CSMD3: variants seen among roughly 807,000 people sequenced by gnomAD.
CSMD3 encodes CUB and Sushi multiple domains 3.
In CSMD3, 177 loss-of-function variants were observed where a neutral mutation model predicts 435.2. The observed-to-expected ratio is 0.41, with a 90% CI of 0.36 to 0.46. The LOEUF (loss-of-function observed/expected upper bound fraction) is 0.46. CSMD3 is among the 20% of genes least tolerant of loss of function. The pLI is 0.34. For missense variants in CSMD3, 4,265 were observed against 4,504.6 expected, an observed-to-expected ratio of 0.95 and a Z score of 1.52; for synonymous variants, 1,656 against 1,520.5, an observed-to-expected ratio of 1.09 and a Z score of -2.07.
At chr8:112,878,626 T>C (rs1028578607) in intron 10 of CSMD3, among the ~76,000 whole-genome samples, 1 of 152,168 alleles carries the variant, frequency 6.6e-6, no homozygotes, top group Non-Finnish European at 1.5e-5. Context: ...TGTATGTTTA[T>C]TGCAGCACTG....
At chr8:112,307,229 T>A (rs1178855616) in intron 50 of CSMD3, among the ~76,000 whole-genome samples, 2 of 151,998 alleles carry the variant, frequency 1.3e-5, no homozygotes, top group Admixed American at 1.3e-4. Context: ...GCTCAAGTGA[T>A]CCTCACACCT....
chr8:112,857,198 TA>T (rs973143471), intron 11 of CSMD3, among the ~76,000 whole-genome samples: 34 of 151,702 alleles, frequency 2.2e-4, no homozygotes, highest in Middle Eastern at 6.3e-3. Flanking sequence ...TAAGACATCT[TA>T]AAAAAGTTAA....
At chr8:113,165,734 T>C (rs2092136735) in intron 4 of CSMD3, among the ~76,000 whole-genome samples, 1 of 151,856 alleles carries the variant, frequency 6.6e-6, no homozygotes, top group Non-Finnish European at 1.5e-5. Context: ...TAGTTTAAAA[T>C]AAGAATGATA....
At chr8:113,060,661 A>G (rs2088573846) in intron 5 of CSMD3, among the ~76,000 whole-genome samples, 1 of 152,160 alleles carries the variant, frequency 6.6e-6, no homozygotes, top group Non-Finnish European at 1.5e-5. Context: ...CTATTTTACA[A>G]AAAATATTAA....
At chr8:112,675,605 A>C (rs2075754826) in intron 16 of CSMD3, among the ~76,000 whole-genome samples, 1 of 152,126 alleles carries the variant, frequency 6.6e-6, no homozygotes, top group African/African-American at 2.4e-5. Context: ...AGAAATAATT[A>C]TGAGGAAACT....
At chr8:112,398,450 A>G (rs1831036719) in intron 35 of CSMD3, among the ~76,000 whole-genome samples, 1 of 152,210 alleles carries the variant, frequency 6.6e-6, no homozygotes, top group South Asian at 2.1e-4. Context: ...TCCACTGGAC[A>G]TTTTTCCACA....
intron 32 of CSMD3, among the ~76,000 whole-genome samples, chr8:112,429,833 A>AT (rs1162805781): frequency 2.0e-5 from 3 of 152,000 alleles, no homozygotes; most frequent in Non-Finnish European, 2.9e-5. Flanking sequence ...ATCATCAGAA[A>AT]TTTTTTTTCT....
chr8:112,410,935 T>C (rs1811263293), intron 32 of CSMD3, among the ~76,000 whole-genome samples: 3 of 150,730 alleles, frequency 2.0e-5, no homozygotes, highest in Non-Finnish European at 3.0e-5. Context: ...GCATGTAATT[T>C]ATTCTTTCTC....
intron 22 of CSMD3, among the ~76,000 whole-genome samples, chr8:112,623,819 C>T (rs1834269596): frequency 6.6e-6 from 1 of 152,004 alleles, no homozygotes. Context: ...TCTAGTTCAT[C>T]TTTTCTATAT....
chr8:112,699,861 T>C (rs991320627), intron 13 of CSMD3, among the ~76,000 whole-genome samples: 5 of 152,110 alleles, frequency 3.3e-5, no homozygotes, highest in Non-Finnish European at 7.4e-5. Flanking sequence ...TAGGGAAACA[T>C]TGAGGAACTC....
intron 27 of CSMD3, among the ~76,000 whole-genome samples, chr8:112,527,280 A>G (rs764145137): frequency 6.6e-6 from 1 of 151,846 alleles, no homozygotes; most frequent in Non-Finnish European, 1.5e-5. Flanking sequence ...ATCATATGAT[A>G]TATATATAGA....
chr8:112,336,443 A>G (rs1412685450), intron 44 of CSMD3, among the ~76,000 whole-genome samples: 1 of 152,136 alleles, frequency 6.6e-6, no homozygotes, highest in Admixed American at 6.6e-5. Context: ...TTGTTCCACA[A>G]TGCTTACCTA....
At chr8:113,407,254 G>A (rs2129719304) in intron 1 of CSMD3, among the ~76,000 whole-genome samples, 1 of 152,196 alleles carries the variant, frequency 6.6e-6, no homozygotes, top group Non-Finnish European at 1.5e-5. Flanking sequence ...TCAAAGGTAG[G>A]AAATATGTCT....
intron 19 of CSMD3, among the ~76,000 whole-genome samples, chr8:112,647,736 A>G (rs1418073077): frequency 9.2e-5 from 14 of 152,094 alleles, no homozygotes; most frequent in Admixed American, 9.2e-4. Context: ...ATTCTCCATC[A>G]TCATCATCAG....
At chr8:113,105,693 G>A (rs1371011062) in intron 4 of CSMD3, among the ~76,000 whole-genome samples, 2 of 152,030 alleles carry the variant, frequency 1.3e-5, no homozygotes, top group African/African-American at 4.8e-5. Context: ...AGTAGAGAGG[G>A]TAAACTATGC....
chr8:112,521,593 T>C (rs555067592), intron 27 of CSMD3, among the ~76,000 whole-genome samples: 1 of 152,044 alleles, frequency 6.6e-6, no homozygotes, highest in East Asian at 1.9e-4. Flanking sequence ...AATGCTCTTG[T>C]CCCTTCTTTC....
intron 10 of CSMD3, among the ~76,000 whole-genome samples, chr8:112,869,389 A>G (rs546666053): frequency 6.6e-6 from 1 of 152,302 alleles, no homozygotes; most frequent in East Asian, 1.9e-4. Context: ...AAATAAAATT[A>G]ATGTTTTTAT....
At chr8:112,768,036 G>A (rs1386180662) in intron 13 of CSMD3, among the ~76,000 whole-genome samples, 1 of 151,622 alleles carries the variant, frequency 6.6e-6, no homozygotes, top group Non-Finnish European at 1.5e-5. Flanking sequence ...AGTACTTCAG[G>A]TGAATTTAAA....
chr8:112,858,508 C>A (rs188794662), intron 11 of CSMD3, among the ~76,000 whole-genome samples: 1 of 151,750 alleles, frequency 6.6e-6, no homozygotes, highest in African/African-American at 2.4e-5. Context: ...TCACATCTTA[C>A]AAACAGAAGC....
Sources: allele counts gnomAD v4.1 joint callset (sites outside exome capture counted in the v4.1 genomes callset), GRCh38; gene constraint gnomAD v4.1.1; transcripts MANE v1.5; gene names NCBI Gene and HGNC (gene_info 2026-07-23, HGNC 2026-07-21).